Variants in ABCB8 observed in about 807,000 individuals in gnomAD.
The protein encoded by ABCB8 is ATP binding cassette subfamily B member 8, also known as mitochondrial potassium channel ATP-binding subunit.
ABCB8 carries 52 observed loss-of-function variants against 73.0 expected under a neutral mutation model. That is an observed-to-expected ratio of 0.71 (90% CI 0.57 to 0.90). The LOEUF is 0.90. Among genes scored for constraint, ABCB8 ranks in the 40% least tolerant of loss-of-function variants. The probability of loss-of-function intolerance (pLI) is 0.00; values close to 1 mark genes in which losing one functional copy is unlikely to be tolerated. For missense variants in ABCB8, 909 were observed against 974.6 expected, an observed-to-expected ratio of 0.93 and a Z score of 0.90; for synonymous variants, 428 against 423.5, an observed-to-expected ratio of 1.01 and a Z score of -0.13.
In ABCB8 at chr7:151,040,501, G is replaced by T. The variant is rs371681720; in HGVS notation, c.1255G>T (p.Val419Phe). The part of the protein sequence containing the change: ...ANLSVLFGQV[V>F]RGLSAGARVF... ...GACTTTGGATCCCCTCCCACAGGTG[G>T]TCCGGGGGCTGAGTGCAGGTGCCCG... Residue 419 changes from valine to phenylalanine, a missense_variant, in exon 11 of 16, where the codon GTC (valine) becomes TTC (phenylalanine). Transcript: ENST00000358849. The T allele has an allele frequency of 1.2e-6, 2 of 1,610,756 alleles. No homozygotes were observed. Among genetic ancestry groups the T allele is most frequent in the Non-Finnish European group, 1.7e-6 (2 of 1,177,996 alleles).
chr7:151,029,908 CTGA>C (rs1376456909), intron 1 of ABCB8, among the ~76,000 whole-genome samples: 3 of 152,184 alleles, frequency 2.0e-5, no homozygotes, highest in Non-Finnish European at 4.4e-5. Context: ...GCCCATCTGA[CTGA>C]TGGAGGGCAA....
intron 8 of ABCB8, 130 bp from the exon 9 acceptor site, chr7:151,036,414 C>G (rs1333047549): frequency 2.1e-6 from 2 of 957,670 alleles, no homozygotes; most frequent in Admixed American, 1.9e-5. Context: ...ACTTGCTCTT[C>G]CGAGGAGGAA....
rs1256003002 is a variant in ABCB8, at chr7:151,034,796, G to T, written c.732G>T (p.Glu244Asp). 1.2e-6 allele frequency: 2 copies of T among 1,614,034 alleles called. No individual in the cohort carries two copies. The highest frequency in any genetic ancestry group is 1.7e-6 in the Non-Finnish European group (2 of 1,179,968). The change falls in exon 5 of 16, where the codon GAG becomes GAT. Residue 244 changes from glutamate to aspartate, a missense_variant. Coordinates refer to ENST00000358849, the MANE Select transcript of ABCB8 (RefSeq NM_007188.5). ...LVSRLTTDVQ[E>D]FKSSFKLVIS... is the part of the protein sequence containing the mutation. ...GCCGCTTGACAACTGACGTGCAGGA[G>T]TTTAAGTCATCCTTCAAGCTTGTCA...
chr7:151,037,398 C>T (rs1796339541), intron 9 of ABCB8: 2 of 697,392 alleles, frequency 2.9e-6, no homozygotes, highest in Admixed American at 4.0e-5. Context: ...CACACCCCAC[C>T]CTTATAGCTT....
chr7:151,037,060 A>G (rs1796330210), intron 9 of ABCB8: 1 of 692,162 alleles, frequency 1.4e-6, no homozygotes, highest in Non-Finnish European at 2.6e-6. Context: ...CAGAACTCTT[A>G]CCTGGCAGAG....
rs1468695737 is a variant in ABCB8, at chr7:151,034,561, T to C, written c.621T>C (p.Ala207=). 1.2e-6 allele frequency: 2 copies of C among 1,613,692 alleles called. No individual in the cohort carries two copies. Among genetic ancestry groups the C allele is most frequent in the African/African-American group, 1.3e-5 (1 of 75,018 alleles). ...TGTCCCACGTTGGCGAGCGCATGGC[T>C]GTGGACATGCGGAGGGCCCTCTTCA... The part of the protein sequence containing the change: ...VLLSHVGERM[A]VDMRRALFSS... Residue 207 remains alanine, a synonymous_variant, in exon 4 of 16, where the codon GCT becomes GCC. Coordinates refer to ENST00000358849, the MANE Select transcript of ABCB8 (RefSeq NM_007188.5).
At chr7:151,035,468 A>G (rs1796277167) in intron 5 of ABCB8, 113 bp from the exon 6 acceptor site, 1 of 1,306,412 alleles carries the variant, frequency 7.7e-7, no homozygotes, top group African/African-American at 1.5e-5. Flanking sequence ...CCAGGGGCCA[A>G]GACCTGGGCC....
chr7:151,035,500 T>C, intron 5 of ABCB8, 81 bp from the exon 6 acceptor site: 2 of 1,482,880 alleles, frequency 1.3e-6, no homozygotes, highest in East Asian at 4.6e-5. Context: ...AGTGCAGAGC[T>C]ACAGTCAGCT....
At chr7:151,030,137 A>T (rs1380488812) in intron 1 of ABCB8, among the ~76,000 whole-genome samples, 3 of 152,380 alleles carry the variant, frequency 2.0e-5, no homozygotes, top group Non-Finnish European at 4.4e-5. Context: ...GGAAAGACAT[A>T]AAATAATATT....
intron 8 of ABCB8, 87 bp downstream of exon 8, chr7:151,036,257 A>G (rs1796305997): frequency 1.4e-5 from 18 of 1,324,734 alleles, no homozygotes; most frequent in Non-Finnish European, 1.8e-5. Context: ...CCCTCCCTTC[A>G]TCTGCTGGCT....
In ABCB8 at chr7:151,044,355, T is replaced by C. The variant is rs902902721; in HGVS notation, c.2016+134T>C. The C allele has an allele frequency of 2.1e-6, 3 of 1,417,788 alleles. No individual in the cohort carries two copies. In the African/African-American group the frequency reaches 4.3e-5, roughly 20 times the overall value. 87.8% of individuals were successfully genotyped at this position (1,417,788 alleles called of 1,614,324 possible). ...TGGGGGCTATATTCTGGAAGCAGCG[T>C]CCCATATAGAGTCAGGAGTTCCTGC... On this transcript the variant is annotated intron_variant, in intron 15 of 15. Coordinates refer to ENST00000358849, the MANE Select transcript of ABCB8 (RefSeq NM_007188.5).
chr7:151,042,128 G>A lies in ABCB8; in HGVS notation c.1765+20G>A, dbSNP rs771153895. ...TCGTCGGTGGGTGCTCGGGTCTGCCGGGAACCAGGTGGTGAGGCACTGGGA... is the reference window on the plus strand; with the variant it reads ...TCGTCGGTGGGTGCTCGGGTCTGCCAGGAACCAGGTGGTGAGGCACTGGGA... On this transcript the variant is annotated intron_variant, in intron 14 of 15. Transcript: ENST00000358849. 2.4e-5 allele frequency: 39 copies of A among 1,610,078 alleles called. No homozygotes were observed. The African/African-American group carries it at 2.7e-4, about 11-fold the overall frequency.
chr7:151,033,391 T>A, intron 1 of ABCB8: 1 of 1,387,876 alleles, frequency 7.2e-7, no homozygotes, highest in Non-Finnish European at 9.3e-7. Context: ...AAGACTAGAT[T>A]TTGTGCTCAG....
intron 1 of ABCB8, 61 bp downstream of exon 1, chr7:151,028,671 C>T: frequency 1.3e-6 from 2 of 1,578,034 alleles, no homozygotes; most frequent in Non-Finnish European, 1.7e-6. Flanking sequence ...CAGTGCCGGC[C>T]CGCCGGGAGA....
At chr7:151,030,312 T>G (rs1191432369) in intron 1 of ABCB8, among the ~76,000 whole-genome samples, 1 of 149,048 alleles carries the variant, frequency 6.7e-6, no homozygotes, top group South Asian at 2.2e-4. Flanking sequence ...GTCAGAAGTT[T>G]AAGACCAGCC....
rs75634567 is a variant in ABCB8, at chr7:151,036,721, C to T, written c.1217+72C>T. 3,782 of 1,321,454 alleles carry T rather than the reference C, an allele frequency of 2.9e-3. 76 individuals carry two copies. In the East Asian group the frequency reaches 0.051, roughly 18 times the overall value. 81.9% of individuals were successfully genotyped at this position (1,321,454 alleles called of 1,614,324 possible). ...CAGAGCCCTGCTGGGTTAGGGGACACGGGTGCCAGCCTTCTCTGGGGGCCG... is the reference window on the plus strand; with the variant it reads ...CAGAGCCCTGCTGGGTTAGGGGACATGGGTGCCAGCCTTCTCTGGGGGCCG... On this transcript the variant is annotated intron_variant, in intron 9 of 15. Transcript: ENST00000358849.
intron 1 of ABCB8, among the ~76,000 whole-genome samples, chr7:151,030,290 C>G (rs530895018): frequency 4.7e-5 from 7 of 149,764 alleles, no homozygotes; most frequent in Non-Finnish European, 1.0e-4. Flanking sequence ...CCAAGGCAGG[C>G]GATCACCTGA....
chr7:151,044,113 C>A lies in ABCB8; in HGVS notation c.1908C>A (p.Ala636=). 6.2e-7 allele frequency: 1 copy of A among 1,613,920 alleles called. No individual in the cohort carries two copies. The highest frequency in any genetic ancestry group is 8.5e-7 in the Non-Finnish European group (1 of 1,179,964). The change falls in exon 15 of 16, where the codon GCC becomes GCA. Residue 636 remains alanine, a synonymous_variant. Transcript: ENST00000358849. ...DAESERVVQE[A]LDRASAGRTV... is the part of the protein sequence containing the mutation. ...AGTCCGAGCGGGTTGTACAGGAGGC[C>A]CTGGACCGGGCCAGTGCAGGCCGCA...
At position 151,044,105 on chromosome 7, in the gene ABCB8, C is replaced by T. The variant is rs1401388703; in HGVS notation, c.1900C>T (p.Gln634Ter). 6.2e-7 allele frequency: 1 copy of T among 1,613,918 alleles called. No individual in the cohort carries two copies. The change falls in exon 15 of 16, where the codon CAG (glutamine) becomes TAG (stop). Residue 634 changes from glutamine to a stop codon, truncating the protein, a stop_gained. Transcript: ENST00000358849. LOFTEE classifies it high-confidence loss of function. ...GGATGCAGAGTCCGAGCGGGTTGTA[C>T]AGGAGGCCCTGGACCGGGCCAGTGC... ...ALDAESERVV[Q>*]EALDRASAGR... is the part of the protein sequence containing the mutation.
Sources: gnomAD v4.1 joint callset for allele counts (sites outside exome capture counted in the v4.1 genomes callset) on GRCh38, gnomAD v4.1.1 for gene constraint, MANE v1.5 for transcripts, NCBI Gene and HGNC (gene_info 2026-07-23, HGNC 2026-07-21) for gene names.